MCUB: variants seen among roughly 807,000 people sequenced by gnomAD.
MCUB encodes the protein mitochondrial calcium uniporter dominant negative subunit beta, also known as calcium uniporter regulatory subunit MCUb, mitochondrial.
Under a neutral mutation model 41.4 loss-of-function variants are expected in MCUB, and 46 were observed. That is an observed-to-expected ratio of 1.11 (90% CI 0.88 to 1.42). MCUB has a LOEUF of 1.42. MCUB is among the 40% of genes most tolerant of loss of function. The pLI, the probability that MCUB is intolerant of heterozygous loss-of-function variation, is 0.00. For synonymous variants in MCUB, 148 were observed against 148.2 expected (o/e 1.00, Z 0.01); for missense variants, 403 against 404.9 (o/e 1.00, Z 0.04).
chr4:109,681,397 AG>A, intron 4 of MCUB: 1 of 443,616 alleles, frequency 2.3e-6, no homozygotes, highest in South Asian at 1.6e-5. Context: ...AAGGGTCTAA[AG>A]TTGTCTCTGG....
intron 1 of MCUB, among the ~76,000 whole-genome samples, chr4:109,566,211 T>C (rs1042576276): frequency 1.9e-4 from 29 of 150,160 alleles, no homozygotes; most frequent in African/African-American, 4.6e-4. Context: ...GGCTCACGCC[T>C]GTAATTCCAG....
At chr4:109,593,649 C>A (rs1306341556) in intron 1 of MCUB, among the ~76,000 whole-genome samples, 2 of 152,186 alleles carry the variant, frequency 1.3e-5, no homozygotes, top group African/African-American at 4.8e-5. Flanking sequence ...AAAAGACTTA[C>A]TTGAAAAGCA....
intron 4 of MCUB, among the ~76,000 whole-genome samples, chr4:109,666,750 A>G (rs893956951): frequency 2.6e-5 from 4 of 152,088 alleles, no homozygotes; most frequent in Non-Finnish European, 4.4e-5. Context: ...TGTCTTTCAC[A>G]AGTTGAGGAA....
intron 1 of MCUB, among the ~76,000 whole-genome samples, chr4:109,627,387 A>AGTCT (rs1472176175): frequency 6.6e-6 from 1 of 152,214 alleles, no homozygotes; most frequent in African/African-American, 2.4e-5. Context: ...GAATTGAAAG[A>AGTCT]GTCTAGGTTT....
intron 1 of MCUB, among the ~76,000 whole-genome samples, chr4:109,653,977 A>G (rs1729021670): frequency 6.6e-6 from 1 of 152,206 alleles, no homozygotes; most frequent in South Asian, 2.1e-4. Context: ...CAACTTTAGT[A>G]TCATAATTTC....
intron 4 of MCUB, among the ~76,000 whole-genome samples, chr4:109,675,279 C>T (rs557758975): frequency 6.6e-6 from 1 of 152,230 alleles, no homozygotes; most frequent in African/African-American, 2.4e-5. Flanking sequence ...TTTCGTGCCA[C>T]TTGACAAAGA....
chr4:109,656,495 G>A (rs1053669033), intron 1 of MCUB, among the ~76,000 whole-genome samples: 1 of 148,850 alleles, frequency 6.7e-6, no homozygotes, highest in Non-Finnish European at 1.5e-5. Context: ...TCCTGCCTCA[G>A]CCTCCCAAGT....
intron 1 of MCUB, among the ~76,000 whole-genome samples, chr4:109,591,048 CGTT>C (rs1162400075): frequency 6.6e-6 from 1 of 152,120 alleles, no homozygotes; most frequent in East Asian, 1.9e-4. Flanking sequence ...CATTGAAACT[CGTT>C]GGAAATTCTT....
At chr4:109,639,456 G>A (rs765624667) in intron 1 of MCUB, among the ~76,000 whole-genome samples, 5 of 151,988 alleles carry the variant, frequency 3.3e-5, no homozygotes, top group South Asian at 2.1e-4. Flanking sequence ...TTGGGAGGCC[G>A]AGACGGGTGG....
chr4:109,581,370 G>C (rs368317737), intron 1 of MCUB, among the ~76,000 whole-genome samples: 3,366 of 152,078 alleles, frequency 0.022, 123 homozygotes, highest in African/African-American at 0.07. Context: ...ACACCTTATA[G>C]AAAAATTAAT....
chr4:109,655,708 C>A (rs551397723), intron 1 of MCUB, among the ~76,000 whole-genome samples: 1 of 152,080 alleles, frequency 6.6e-6, no homozygotes, highest in Non-Finnish European at 1.5e-5. Flanking sequence ...AATGATTCTA[C>A]GCAGAAATCT....
intron 4 of MCUB, 124 bp from the exon 5 acceptor site, chr4:109,682,458 C>T (rs1427540214): frequency 1.3e-6 from 1 of 743,454 alleles, no homozygotes; most frequent in African/African-American, 1.8e-5. Context: ...CATGTTTGTA[C>T]ACCAGCTTCC....
intron 1 of MCUB, among the ~76,000 whole-genome samples, chr4:109,595,895 T>C (rs1727545052): frequency 6.6e-6 from 1 of 150,524 alleles, no homozygotes; most frequent in Non-Finnish European, 1.5e-5. Context: ...AGACGAGTTC[T>C]AGTGAGGAAA....
intron 1 of MCUB, among the ~76,000 whole-genome samples, chr4:109,595,743 G>C (rs566292251): frequency 1.3e-5 from 2 of 152,256 alleles, no homozygotes; most frequent in African/African-American, 4.8e-5. Flanking sequence ...CTGAGGAGAA[G>C]AGCAGAAAAG....
At chr4:109,575,234 G>T (rs1460912849) in intron 1 of MCUB, among the ~76,000 whole-genome samples, 1 of 152,132 alleles carries the variant, frequency 6.6e-6, no homozygotes, top group Admixed American at 6.5e-5. Flanking sequence ...CCCTTGTTCT[G>T]CCCGCTCCTT....
At chr4:109,603,162 A>T (rs944537690) in intron 1 of MCUB, among the ~76,000 whole-genome samples, 2 of 152,168 alleles carry the variant, frequency 1.3e-5, no homozygotes, top group Non-Finnish European at 2.9e-5. Context: ...GCTGGACTGT[A>T]CTGACACGAT....
At chr4:109,593,345 G>A (rs1346427676) in intron 1 of MCUB, among the ~76,000 whole-genome samples, 4 of 152,182 alleles carry the variant, frequency 2.6e-5, no homozygotes, top group Non-Finnish European at 4.4e-5. Flanking sequence ...CTTGGGAAAA[G>A]ATACCCAATG....
chr4:109,618,522 G>C (rs1293975247), intron 1 of MCUB, among the ~76,000 whole-genome samples: 1 of 152,100 alleles, frequency 6.6e-6, no homozygotes, highest in African/African-American at 2.4e-5. Context: ...CTCTGCTTTT[G>C]GGGAAACCCA....
intron 1 of MCUB, among the ~76,000 whole-genome samples, chr4:109,593,084 T>C (rs986410492): frequency 2.6e-5 from 4 of 152,246 alleles, no homozygotes; most frequent in African/African-American, 7.2e-5. Flanking sequence ...ACTTCAAGGC[T>C]AGAGCAAGTT....
Sources: gnomAD v4.1 joint callset for allele counts (sites outside exome capture counted in the v4.1 genomes callset) on GRCh38, gnomAD v4.1.1 for gene constraint, MANE v1.5 for transcripts, NCBI Gene and HGNC (gene_info 2026-07-23, HGNC 2026-07-21) for gene names.